The following E4F1 variants were observed in gnomAD, a reference collection of about 807,000 sequenced individuals.
E4F1 encodes transcription factor E4F1.
In E4F1, 30 loss-of-function variants were observed where a neutral mutation model predicts 72.9. The observed-to-expected ratio is 0.41, with a 90% CI of 0.31 to 0.56. E4F1 has a LOEUF of 0.56. E4F1 is among the 20% of genes least tolerant of loss of function. The probability of loss-of-function intolerance (pLI) is 0.25; values close to 1 mark genes in which losing one functional copy is unlikely to be tolerated. For synonymous variants in E4F1, 542 were observed against 478.2 expected (o/e 1.13, Z -1.74); for missense variants, 1,091 against 1,117.5 (o/e 0.98, Z 0.34).
In E4F1 at chr16:2,235,234, A is replaced by G. The variant is rs776149285; in HGVS notation, c.2017A>G (p.Lys673Glu). Residue 673 changes from lysine to glutamate, a missense_variant, in exon 14 of 14, where the codon AAG becomes GAG. Lys to Glu is a moderately conservative substitution (Grantham distance 56, BLOSUM62 1). Around this residue, in one of 5 missense-constraint regions of E4F1, gnomAD observed 622 missense variants for 628.0 expected, o/e 0.99. Coordinates refer to ENST00000301727, the MANE Select transcript of E4F1 (RefSeq NM_004424.5). Reference sequence around the variant, plus strand: ...CCTGCAGGTGGACAGCCACATCATGAAGGTGGTGCAGCAGATCGTGCACCA... The same window carrying G: ...CCTGCAGGTGGACAGCCACATCATGGAGGTGGTGCAGCAGATCGTGCACCA... ...TQTEVDSHIM[K>E]VVQQIVHQAS... 2 of 1,609,914 alleles carry G rather than the reference A, an allele frequency of 1.2e-6. No individual in the cohort carries two copies. The highest frequency in any genetic ancestry group is 1.1e-5 in the South Asian group (1 of 91,020).
rs781610054 is a variant in E4F1, at chr16:2,223,805, G to C, written c.157+35G>C. ...CCGACCCGGAGGGTGCGGCCGGGGT[G>C]CGGGCAGTTCATCCCGGGCTGGCAG... On this transcript the variant is annotated intron_variant, in intron 1 of 13. Coordinates refer to ENST00000301727, the MANE Select transcript of E4F1 (RefSeq NM_004424.5). 13 of 1,536,080 alleles carry C rather than the reference G, an allele frequency of 8.5e-6. No individual in the cohort carries two copies. In the Admixed American group the frequency reaches 2.6e-4, roughly 30 times the overall value.
In E4F1 at chr16:2,234,482, C is replaced by T. The variant is rs2093490444; in HGVS notation, c.1593+94C>T. ...CACCCCCTTCCCTGCCTCCACCATG[C>T]TCAGTCTTGACCCAGCCCCTCCCTT... On this transcript the variant is annotated intron_variant, in intron 10 of 13. Transcript: ENST00000301727. The T allele has an allele frequency of 4.5e-6, 7 of 1,567,812 alleles. No individual in the cohort carries two copies. In the Admixed American group the frequency reaches 1.1e-4, roughly 24 times the overall value.
In E4F1 at chr16:2,235,656, G is replaced by A. The variant is rs2093504222; in HGVS notation, c.*84G>A. 2 of 1,261,136 alleles carry A rather than the reference G, an allele frequency of 1.6e-6. No individual in the cohort carries two copies. The highest frequency in any genetic ancestry group is 1.5e-5 in the African/African-American group (1 of 66,486). The allele number at this position is 1,261,136 out of a possible 1,614,324, so 78.1% of individuals were successfully genotyped here. On this transcript the variant is annotated 3_prime_UTR_variant, in exon 14 of 14. Transcript: ENST00000301727. ...ACCCATGCCTGCCTGGCCTGGTAGA[G>A]AAGATGGCACAGGATGGAGGCGCCC...
intron 5 of E4F1, 73 bp from the exon 6 acceptor site, chr16:2,232,683 T>C: frequency 1.2e-6 from 2 of 1,606,508 alleles, no homozygotes; most frequent in East Asian, 4.5e-5. Flanking sequence ...CGGGGGCCCC[T>C]GCCTGCCTTC....
In E4F1 at chr16:2,234,653, G is replaced by A. The variant is rs1365442292; in HGVS notation, c.1664G>A (p.Gly555Asp). 2 of 1,597,124 alleles carry A rather than the reference G, an allele frequency of 1.3e-6. No individual in the cohort carries two copies. The highest frequency in any genetic ancestry group is 1.7e-6 in the Non-Finnish European group (2 of 1,171,910). ...CACGTGTGCCAGTTCTGCAGCCGTG[G>A]CTTCCGAGAGAAGGGCTCACTGGTG... ...KPHVCQFCSR[G>D]FREKGSLVRH... The change falls in exon 11 of 14, where the codon GGC becomes GAC. Residue 555 changes from glycine to aspartate, a missense_variant. Gly to Asp is a moderately conservative substitution (Grantham distance 94). This residue lies in a region of E4F1 where 622 missense variants were observed against 628.0 expected (regional missense o/e 0.99). Coordinates refer to ENST00000301727, the MANE Select transcript of E4F1 (RefSeq NM_004424.5).
Position 2,233,961 on chromosome 16 carries a change from C to T in E4F1, c.1346C>T (p.Thr449Ile). 4.4e-6 allele frequency: 7 copies of T among 1,598,590 alleles called. No individual in the cohort carries two copies. Among genetic ancestry groups the T allele is most frequent in the Non-Finnish European group, 5.1e-6 (6 of 1,172,908 alleles). The stretch of plus-strand genomic sequence containing the variant: ...AGTGAGACCTTCCCGACAGCAGCCA[C>T]CCTGGAGGCCCACAAGAGGGGCCAC... ...QCSETFPTAA[T>I]LEAHKRGHTG... Residue 449 changes from threonine to isoleucine, a missense_variant, in exon 9 of 14, where the codon ACC becomes ATC. Transcript: ENST00000301727.
chr16:2,228,224 G>A lies in E4F1; in HGVS notation c.158-148G>A, dbSNP rs149872852. On this transcript the variant is annotated intron_variant, in intron 1 of 13. Transcript: ENST00000301727. ...CTTGGGATGACCTTGTTTTGGGCCCGAGTGTGTTCTCAGCAGCCTGGGGAA... is the reference window on the plus strand; with the variant it reads ...CTTGGGATGACCTTGTTTTGGGCCCAAGTGTGTTCTCAGCAGCCTGGGGAA... 363 of 1,091,148 alleles carry A rather than the reference G, an allele frequency of 3.3e-4. 2 individuals are homozygous for A. In the African/African-American group the frequency reaches 4.2e-3, roughly 13 times the overall value. The allele number at this position is 1,091,148 out of a possible 1,614,324, so 67.6% of individuals were successfully genotyped here.
rs1432932557 is a variant in E4F1, at chr16:2,234,256, T to C, written c.1461T>C (p.Arg487=). ...AGAAGCACCAGGAGGTGCACGTGCG[T>C]GAGCGCCGCTTCCGCTGTGGCGACT... ...LLKKHQEVHV[R]ERRFRCGDCG... The change falls in exon 10 of 14, where the codon CGT becomes CGC. Residue 487 remains arginine, a synonymous_variant. Transcript: ENST00000301727. The C allele has an allele frequency of 9.3e-6, 15 of 1,612,740 alleles. No individual in the cohort carries two copies. The highest frequency in any genetic ancestry group is 1.1e-5 in the Non-Finnish European group (13 of 1,179,954).
intron 2 of E4F1, 68 bp from the exon 3 acceptor site, chr16:2,229,502 G>C (rs747033101): frequency 8.3e-5 from 126 of 1,517,556 alleles, no homozygotes; most frequent in Non-Finnish European, 1.1e-4. Context: ...GCAGAGCCCA[G>C]GCCTCTTCTC....
intron 2 of E4F1, among the ~76,000 whole-genome samples, 187 bp from the exon 3 acceptor site, chr16:2,229,383 C>T (rs2141448822): frequency 6.6e-6 from 1 of 152,314 alleles, no homozygotes; most frequent in Middle Eastern, 3.4e-3. Context: ...AGGGATTGGA[C>T]TGGGACCGGT....
chr16:2,234,632 T>A lies in E4F1; in HGVS notation c.1643T>A (p.Val548Glu), dbSNP rs1033794355. 6.2e-7 allele frequency: 1 copy of A among 1,601,738 alleles called. No homozygotes were observed. Among genetic ancestry groups the A allele is most frequent in the Admixed American group, 1.7e-5 (1 of 58,964 alleles). Reference sequence around the variant, plus strand: ...ACACACCTGGAGGAGAAGCCGCACGTGTGCCAGTTCTGCAGCCGTGGCTTC... The same window carrying A: ...ACACACCTGGAGGAGAAGCCGCACGAGTGCCAGTTCTGCAGCCGTGGCTTC... ...FRTHLEEKPH[V>E]CQFCSRGFRE... The change falls in exon 11 of 14, where the codon GTG becomes GAG. Residue 548 changes from valine to glutamate, a missense_variant. Val to Glu is a moderately radical substitution (Grantham distance 121). Around this residue, in one of 5 missense-constraint regions of E4F1, gnomAD observed 622 missense variants for 628.0 expected, o/e 0.99. Transcript: ENST00000301727.
chr16:2,233,884 G>T lies in E4F1; in HGVS notation c.1269G>T (p.Gln423His). ...GAGACCTTCCTGTGGTTCCCCAGCA[G>T]GTGGCCAGCGAGGCCTCAGCGGTGC... is the stretch of plus-strand genomic sequence containing the variant. ...PVLEVQPLET[Q>H]VASEASAVPR... The change falls in exon 9 of 14, where the codon CAG becomes CAT. Residue 423 changes from glutamine (Q) to histidine (H), a missense_variant and splice_region_variant. Transcript: ENST00000301727. 6.3e-7 allele frequency: 1 copy of T among 1,590,256 alleles called. No homozygotes were observed.
At position 2,229,868 on chromosome 16, in the gene E4F1, G is replaced by A. The variant is rs532913024; in HGVS notation, c.415+193G>A. 81 of 589,682 alleles carry A rather than the reference G, an allele frequency of 1.4e-4. 1 individual carries two copies. The South Asian group carries it at 1.5e-3, about 11-fold the overall frequency. The allele number at this position is 589,682 out of a possible 1,614,324, so 36.5% of individuals were successfully genotyped here. A position where few individuals can be genotyped will look rare whatever the true frequency, so the allele number is the denominator to read the frequency against. On this transcript the variant is annotated intron_variant, in intron 3 of 13. Coordinates refer to ENST00000301727, the MANE Select transcript of E4F1 (RefSeq NM_004424.5). ...GCGTTGGGCACTGGGCCTTCCTCAG[G>A]TGTCCACAGTGGCCGGGGGCACACC...
rs775154393 is a variant in E4F1 at position 2,232,250 on chromosome 16, C to T, written c.495C>T (p.Ser165=). ...GTGAGATGGCCGAGGCCCCGGGCAG[C>T]CCCCGCCAGCAGGGGCTGGGGCTCG... ...GDGEMAEAPG[S]PRQQGLGLAG... The change falls in exon 4 of 14, where the codon AGC becomes AGT. Residue 165 remains serine (S), a synonymous_variant. Transcript: ENST00000301727. 6 of 1,612,416 alleles carry T rather than the reference C, an allele frequency of 3.7e-6. No homozygotes were observed. Among genetic ancestry groups the T allele is most frequent in the Admixed American group, 3.3e-5 (2 of 59,952 alleles).
Position 2,235,317 on chromosome 16 carries a change from G to T in E4F1, c.2100G>T (p.Ala700=). 6.2e-7 allele frequency: 1 copy of T among 1,610,824 alleles called. No homozygotes were observed. Among genetic ancestry groups the T allele is most frequent in the African/African-American group, 1.3e-5 (1 of 75,062 alleles). ...ACGTCACCATGGACGAGGAGACGGC[G>T]CTGGGCCCAGAGGCGGCTGCCGCCG... ...VQNVTMDEET[A]LGPEAAAADT... The change falls in exon 14 of 14, where the codon GCG becomes GCT. Residue 700 remains alanine, a synonymous_variant. Coordinates refer to ENST00000301727, the MANE Select transcript of E4F1 (RefSeq NM_004424.5).
At position 2,232,138 on chromosome 16, in the gene E4F1, G is replaced by A. The variant is rs374158929; in HGVS notation, c.416-33G>A. On this transcript the variant is annotated intron_variant, in intron 3 of 13. Transcript: ENST00000301727. Reference sequence around the variant, plus strand: ...CTCTGGGGTCTCTGGACAGGGGCAGGTCCTGGGGCTTAGGCCCAGATGCTT... The same window carrying A: ...CTCTGGGGTCTCTGGACAGGGGCAGATCCTGGGGCTTAGGCCCAGATGCTT... 3.7e-6 allele frequency: 6 copies of A among 1,604,208 alleles called. No homozygotes were observed. The African/African-American group carries it at 8.0e-5, about 21-fold the overall frequency.
At position 2,234,283 on chromosome 16, in the gene E4F1, C is replaced by T. The variant is rs146111343; in HGVS notation, c.1488C>T (p.Cys496=). ...VRERRFRCGD[C]GKLYKTIAHV... is the part of the protein sequence containing the mutation. ...AGCGCCGCTTCCGCTGTGGCGACTG[C>T]GGGAAGCTCTACAAGACCATTGCCC... The change falls in exon 10 of 14, where the codon TGC becomes TGT. Residue 496 remains cysteine, a synonymous_variant. Coordinates refer to ENST00000301727, the MANE Select transcript of E4F1 (RefSeq NM_004424.5). 224 of 1,612,970 alleles carry T rather than the reference C, an allele frequency of 1.4e-4. No homozygotes were observed. The highest frequency in any genetic ancestry group is 1.6e-4 in the Middle Eastern group (1 of 6,062).
At chr16:2,225,236 A>G (rs2141429458) in intron 1 of E4F1, among the ~76,000 whole-genome samples, 1 of 152,200 alleles carries the variant, frequency 6.6e-6, no homozygotes, top group East Asian at 1.9e-4. Context: ...ATTGTGTGTC[A>G]TGTGCCGAGA....
chr16:2,229,500 C>T (rs2093452975), intron 2 of E4F1, 70 bp from the exon 3 acceptor site: 10 of 1,505,966 alleles, frequency 6.6e-6, no homozygotes, highest in African/African-American at 1.4e-5. Context: ...TGGCAGAGCC[C>T]AGGCCTCTTC....
Sources: gnomAD v4.1 joint callset for allele counts (sites outside exome capture counted in the v4.1 genomes callset) on GRCh38, gnomAD v4.1.1 for gene constraint, gnomAD v4.1.1 regional missense constraint, MANE v1.5 for transcripts, NCBI Gene and HGNC (gene_info 2026-07-23, HGNC 2026-07-21) for gene names.